The following FOXN3 variants were observed in gnomAD, a reference collection of about 807,000 sequenced individuals.
FOXN3 encodes the protein forkhead box protein N3.
Under a neutral mutation model 38.4 loss-of-function variants are expected in FOXN3, and 7 were observed. The observed-to-expected ratio is 0.18, with a 90% CI of 0.10 to 0.34. The LOEUF (loss-of-function observed/expected upper bound fraction) is 0.34, where lower values mean the gene tolerates loss of function less well. FOXN3 is among the 10% of genes least tolerant of loss of function. The probability of loss-of-function intolerance (pLI) is 1.00; values close to 1 mark genes in which losing one functional copy is unlikely to be tolerated. For missense variants in FOXN3, 456 were observed against 613.4 expected (o/e 0.74, Z 2.71); for synonymous variants, 230 against 242.2 (o/e 0.95, Z 0.47).
At chr14:89,273,206 C>G (rs1479327958) in intron 4 of FOXN3, among the ~76,000 whole-genome samples, 1 of 152,210 alleles carries the variant, frequency 6.6e-6, no homozygotes, top group Admixed American at 6.5e-5. Context: ...TGCCCATAAG[C>G]TTCCTCCCCG....
chr14:89,317,963 G>C (rs72701656), intron 3 of FOXN3, among the ~76,000 whole-genome samples: 35,354 of 149,154 alleles, frequency 0.24, 4,748 homozygotes, highest in African/African-American at 0.36. Context: ...AGGTGGAACA[G>C]TTTCATCCCA....
rs541994627 is a variant in FOXN3 at position 89,261,202 on chromosome 14, G to A, written c.745+19748C>T. On this transcript the variant is annotated intron_variant, in intron 4 of 5. Coordinates refer to ENST00000557258, the MANE Select transcript of FOXN3 (RefSeq NM_005197.4). ...TAAAAGGAGAGAGACCCACCAAATG[G>A]TTCAGTGGTAGCTTTGAGGTGTGGA... is the stretch of plus-strand genomic sequence containing the variant. 2.9e-4 allele frequency among the ~76,000 whole-genome samples: 44 copies of A among 152,294 alleles called. No individual in the cohort carries two copies. In the South Asian group the frequency reaches 8.9e-3, roughly 31 times the overall value.
rs59945805 is a variant in FOXN3, at chr14:89,478,931, CAAAA to C, written c.-14-66445_-14-66442del. Among the ~76,000 whole-genome samples, 44 of 54,204 alleles carry C rather than the reference CAAAA, an allele frequency of 8.1e-4. 1 individual carries two copies. The South Asian group carries it at 0.039, about 49-fold the overall frequency. The allele number at this position is 54,204 out of a possible 152,430, so 35.6% of individuals were successfully genotyped here. The stretch of plus-strand genomic sequence containing the variant: ...TGGGTGAGAGAGCGAGACTCCATCT[CAAAA>C]AAAAAAAAAAAAAAATTACCACAAC... On this transcript the variant is annotated intron_variant, in intron 1 of 6. Transcript: ENST00000345097.
chr14:89,415,593 A>G (rs1891671712), intron 1 of FOXN3, among the ~76,000 whole-genome samples: 1 of 146,434 alleles, frequency 6.8e-6, no homozygotes, highest in African/African-American at 2.5e-5. Context: ...ACAAAACAAA[A>G]CAACAATAAC....
chr14:89,400,712 T>G (rs911799930), intron 2 of FOXN3, among the ~76,000 whole-genome samples: 1 of 152,162 alleles, frequency 6.6e-6, no homozygotes, highest in Admixed American at 6.5e-5. Context: ...TTTTGAGCCA[T>G]TGCCACCTCA....
At chr14:89,406,484 G>A (rs1339089777) in intron 2 of FOXN3, among the ~76,000 whole-genome samples, 1 of 152,084 alleles carries the variant, frequency 6.6e-6, no homozygotes, top group Non-Finnish European at 1.5e-5. Context: ...TAGGTTCCTA[G>A]TAAGTTCTGC....
chr14:89,233,989 A>C (rs1404367996), intron 4 of FOXN3, among the ~76,000 whole-genome samples: 2 of 152,038 alleles, frequency 1.3e-5, no homozygotes, highest in African/African-American at 4.8e-5. Flanking sequence ...TCACCAGGTC[A>C]CTCTGTCCCT....
At chr14:89,595,955 A>T (rs1359626015) in intron 1 of FOXN3, among the ~76,000 whole-genome samples, 2 of 152,184 alleles carry the variant, frequency 1.3e-5, no homozygotes, top group South Asian at 2.1e-4. Flanking sequence ...ATCTATTGAG[A>T]TGATCATGAT....
intron 3 of FOXN3, among the ~76,000 whole-genome samples, chr14:89,331,303 A>G (rs1449879962): frequency 6.6e-6 from 1 of 152,090 alleles, no homozygotes; most frequent in Non-Finnish European, 1.5e-5. Flanking sequence ...GAATCATATG[A>G]TATTTGTCCT....
rs562064818 is a variant in FOXN3, at chr14:89,499,325, T to C, written c.-14-86835A>G. Among the ~76,000 whole-genome samples, 16 of 152,306 alleles carry C rather than the reference T, an allele frequency of 1.1e-4. No homozygotes were observed. In the South Asian group the frequency reaches 3.1e-3, roughly 30 times the overall value. On this transcript the variant is annotated intron_variant, in intron 1 of 6. Transcript: ENST00000345097. ...TAAGATGAATACAGGCCTGAGAAAC[T>C]GTCCCTGAGCACTGAAGTGCCGACT...
At chr14:89,249,597 C>T (rs1011030952) in intron 4 of FOXN3, among the ~76,000 whole-genome samples, 2 of 152,184 alleles carry the variant, frequency 1.3e-5, no homozygotes, top group African/African-American at 4.8e-5. Flanking sequence ...AATTACTACA[C>T]CATTCATTTG....
intron 2 of FOXN3, among the ~76,000 whole-genome samples, chr14:89,368,628 AGAGT>A (rs1309962184): frequency 1.3e-5 from 2 of 152,206 alleles, no homozygotes; most frequent in Non-Finnish European, 1.5e-5. Flanking sequence ...CTTGGGTGAC[AGAGT>A]GAGACCCTGT....
In FOXN3 at chr14:89,444,007, CAAAAAAAA is replaced by C. The variant is rs569571116; in HGVS notation, c.-14-31525_-14-31518del. Among the ~76,000 whole-genome samples, 5 of 67,636 alleles carry C rather than the reference CAAAAAAAA, an allele frequency of 7.4e-5. 1 individual carries two copies. The highest frequency in any genetic ancestry group is 5.2e-5 in the Non-Finnish European group (2 of 38,682). 44.4% of individuals were successfully genotyped at this position (67,636 alleles called of 152,430 possible). ...CTGGGCAACAAGAATGAAACTCTGTCAAAAAAAAAAAAAAAAAAAAAAGCATACTTGGA... is the reference window on the plus strand; with the variant it reads ...CTGGGCAACAAGAATGAAACTCTGTCAAAAAAAAAAAAAAGCATACTTGGA... On this transcript the variant is annotated intron_variant, in intron 1 of 6. Coordinates refer to the FOXN3 transcript ENST00000345097.
At chr14:89,445,907 G>T (rs1892482365) in intron 1 of FOXN3, among the ~76,000 whole-genome samples, 1 of 151,224 alleles carries the variant, frequency 6.6e-6, no homozygotes, top group Middle Eastern at 3.4e-3. Context: ...ATAATGAGAC[G>T]CTATCACTAC....
intron 2 of FOXN3, among the ~76,000 whole-genome samples, chr14:89,385,684 G>C (rs1345256743): frequency 6.6e-6 from 1 of 152,126 alleles, no homozygotes; most frequent in East Asian, 1.9e-4. Flanking sequence ...GCACATGCCT[G>C]TAATCCCAGC....
chr14:89,452,823 C>T (rs951458096), intron 1 of FOXN3, among the ~76,000 whole-genome samples: 9 of 152,202 alleles, frequency 5.9e-5, no homozygotes, highest in Non-Finnish European at 1.3e-4. Context: ...AAATCAAAAC[C>T]TTTCAAAGTG....
chr14:89,430,106 T>C (rs187067233), intron 1 of FOXN3, among the ~76,000 whole-genome samples: 4 of 152,346 alleles, frequency 2.6e-5, no homozygotes, highest in Non-Finnish European at 5.9e-5. Flanking sequence ...CAAATTATAT[T>C]CTCTAGAAAT....
At chr14:89,298,472 TAAAAAA>T (rs55856005) in intron 3 of FOXN3, among the ~76,000 whole-genome samples, 1 of 123,588 alleles carries the variant, frequency 8.1e-6, no homozygotes, top group African/African-American at 3.0e-5. Context: ...TCCGTCTATT[TAAAAAA>T]AAAAAAAAAA....
chr14:89,190,370 A>G, intron 4 of FOXN3: 1 of 1,603,108 alleles, frequency 6.2e-7, no homozygotes. Flanking sequence ...TAGGCTATAG[A>G]AATATCTACT....
Sources: allele counts gnomAD v4.1 joint callset (sites outside exome capture counted in the v4.1 genomes callset), GRCh38; gene constraint gnomAD v4.1.1; transcripts MANE v1.5; gene names NCBI Gene and HGNC (gene_info 2026-07-23, HGNC 2026-07-21).